Variants in ERCC6L2 observed in about 807,000 individuals in gnomAD.
ERCC6L2 encodes ERCC excision repair 6 like 2, also known as DNA excision repair protein ERCC-6-like 2.
Under a neutral mutation model 132.0 loss-of-function variants are expected in ERCC6L2, and 77 were observed. The ratio of observed to expected loss-of-function variants is 0.58; its 90% CI spans 0.49 to 0.71. The LOEUF (loss-of-function observed/expected upper bound fraction) is 0.71. ERCC6L2 is among the 30% of genes least tolerant of loss of function. The probability of loss-of-function intolerance (pLI) is 0.00; values close to 1 mark genes in which losing one functional copy is unlikely to be tolerated. For synonymous variants in ERCC6L2, 583 were observed against 632.4 expected (o/e 0.92, Z 1.17); for missense variants, 1,542 against 1,837.6 (o/e 0.84, Z 2.94).
At chr9:95,889,053 A>G (rs950146147) in intron 2 of ERCC6L2, among the ~76,000 whole-genome samples, 2 of 152,054 alleles carry the variant, frequency 1.3e-5, no homozygotes, top group Admixed American at 1.3e-4. Context: ...TTTAAATGAG[A>G]TACAAAGATT....
chr9:95,950,912 A>C (rs73536503), intron 12 of ERCC6L2, among the ~76,000 whole-genome samples: 3,825 of 152,274 alleles, frequency 0.025, 170 homozygotes, highest in African/African-American at 0.089. Context: ...CATAATAGGT[A>C]AAACATTCAG....
At chr9:95,943,014 A>G (rs1830876722) in intron 12 of ERCC6L2, among the ~76,000 whole-genome samples, 1 of 152,178 alleles carries the variant, frequency 6.6e-6, no homozygotes. Flanking sequence ...CATCAGCATT[A>G]TAGGATTCTA....
chr9:95,951,863 G>A (rs1003785948), intron 12 of ERCC6L2, among the ~76,000 whole-genome samples: 2 of 151,992 alleles, frequency 1.3e-5, no homozygotes, highest in Non-Finnish European at 2.9e-5. Flanking sequence ...ATTCTACCAA[G>A]CATTTAAAGA....
Position 95,889,088 on chromosome 9 carries a change from T to C in ERCC6L2, c.471+7795T>C, listed in dbSNP as rs757212689. 4.6e-5 allele frequency among the ~76,000 whole-genome samples: 7 copies of C among 152,282 alleles called. No homozygotes were observed. The South Asian group carries it at 1.5e-3, about 32-fold the overall frequency. On this transcript the variant is annotated intron_variant, in intron 2 of 18. Transcript: ENST00000653738. ...TTTTAAAAATCATTAGTGGATTTAG[T>C]GAATTAAATAAAGCTAATCTATACT...
chr9:95,916,799 C>T (rs972070573), intron 6 of ERCC6L2, among the ~76,000 whole-genome samples: 2 of 151,812 alleles, frequency 1.3e-5, no homozygotes, highest in African/African-American at 4.8e-5. Context: ...TCTGCAGCCT[C>T]AGCCTCCCGA....
chr9:95,941,424 A>C (rs1181971333), intron 11 of ERCC6L2, 30 bp from the exon 12 acceptor site: 1 of 1,535,286 alleles, frequency 6.5e-7, no homozygotes. Context: ...TGCTGTTCTA[A>C]TGTGCTTTTT....
intron 12 of ERCC6L2, among the ~76,000 whole-genome samples, chr9:95,946,527 CA>C (rs981211616): frequency 2.0e-5 from 3 of 151,182 alleles, no homozygotes; most frequent in African/African-American, 7.3e-5. Flanking sequence ...GACTCCATCT[CA>C]AAAAAATAAA....
intron 3 of ERCC6L2, among the ~76,000 whole-genome samples, chr9:95,902,847 A>G (rs1335594707): frequency 6.6e-6 from 1 of 152,134 alleles, no homozygotes; most frequent in African/African-American, 2.4e-5. Context: ...CTCGTTTTTA[A>G]TCATAGTCCT....
At chr9:96,021,881 G>T (rs552503171), downstream of ERCC6L2, 12 of 152,612 alleles carry the variant, frequency 7.9e-5, no homozygotes, top group African/African-American at 2.2e-4. This position sits in a 1 kb window ranked among gnomAD's most constrained non-coding sequence, Gnocchi z 4.7. Flanking sequence ...GCGCCTAGGG[G>T]GTTCCGAGCG....
At position 95,979,976 on chromosome 9, in the gene ERCC6L2, G is replaced by A. The variant is rs575627053; in HGVS notation, c.3492+1761G>A. 5.3e-5 allele frequency among the ~76,000 whole-genome samples: 8 copies of A among 152,028 alleles called. No homozygotes were observed. In the South Asian group the frequency reaches 1.2e-3, roughly 24 times the overall value. On this transcript the variant is annotated intron_variant, in intron 17 of 18. Coordinates refer to ENST00000653738, the MANE Select transcript of ERCC6L2 (RefSeq NM_020207.7). ...GAAAGGTCAGATAATTTGGCAAACC[G>A]CTGTAGTGGATGTTAATGAAATAAC... is the stretch of plus-strand genomic sequence containing the variant.
intron 13 of ERCC6L2, among the ~76,000 whole-genome samples, chr9:95,964,597 G>GA (rs1832067829): frequency 1.3e-5 from 2 of 152,180 alleles, no homozygotes; most frequent in Non-Finnish European, 1.5e-5. Context: ...TGCTGGCCTT[G>GA]AAGATGGAAG....
At chr9:96,011,141 G>T (rs1834013860) in intron 18 of ERCC6L2, among the ~76,000 whole-genome samples, 1 of 152,170 alleles carries the variant, frequency 6.6e-6, no homozygotes, top group African/African-American at 2.4e-5. Context: ...TTAAACAACA[G>T]AAATTCGTGT....
At chr9:95,960,689 A>G (rs962161487) in intron 13 of ERCC6L2, among the ~76,000 whole-genome samples, 2 of 152,092 alleles carry the variant, frequency 1.3e-5, no homozygotes, top group African/African-American at 2.4e-5. Flanking sequence ...CAGTTTAGTG[A>G]TACTGATTTC....
intron 2 of ERCC6L2, among the ~76,000 whole-genome samples, chr9:95,884,431 TAATGA>T (rs1827756733): frequency 6.6e-6 from 1 of 152,130 alleles, no homozygotes; most frequent in Admixed American, 6.5e-5. Flanking sequence ...AATTAATTGA[TAATGA>T]AAATAGACCA....
chr9:95,975,471 C>CT (rs572855007), intron 16 of ERCC6L2, among the ~76,000 whole-genome samples: 27,862 of 111,088 alleles, frequency 0.25, 4,905 homozygotes, highest in African/African-American at 0.49. Context: ...ATTATATGTT[C>CT]TTTTTTTTTT....
Position 96,002,716 on chromosome 9 carries a change from G to A in ERCC6L2, c.3493-1804G>A, listed in dbSNP as rs1352541129. Reference sequence around the variant, plus strand: ...CCCAAAGTGCTGGGATTACAAGTGTGAGCCACTGTGCCTGGCCTAATTTGG... The same window carrying A: ...CCCAAAGTGCTGGGATTACAAGTGTAAGCCACTGTGCCTGGCCTAATTTGG... On this transcript the variant is annotated intron_variant, in intron 17 of 18. Transcript: ENST00000653738. Among the ~76,000 whole-genome samples the A allele has an allele frequency of 1.3e-5, 2 of 152,144 alleles. 1 individual carries two copies. The highest frequency in any genetic ancestry group is 4.8e-5 in the African/African-American group (2 of 41,424).
intron 16 of ERCC6L2, among the ~76,000 whole-genome samples, chr9:95,974,845 G>C (rs1832594557): frequency 6.6e-6 from 1 of 151,896 alleles, no homozygotes; most frequent in South Asian, 2.1e-4. Flanking sequence ...AATACCTCGA[G>C]GTTATACGTC....
chr9:95,891,073 A>G lies in ERCC6L2; in HGVS notation c.472-6776A>G, dbSNP rs1828135707. Among the ~76,000 whole-genome samples, 3 of 152,248 alleles carry G rather than the reference A, an allele frequency of 2.0e-5. No individual in the cohort carries two copies. In the South Asian group the frequency reaches 6.2e-4, roughly 32 times the overall value. On this transcript the variant is annotated intron_variant, in intron 2 of 18. Coordinates refer to ENST00000653738, the MANE Select transcript of ERCC6L2 (RefSeq NM_020207.7). The stretch of plus-strand genomic sequence containing the variant: ...ACTAAAAATACAAAATTAGCTGGGC[A>G]TGGTGGCGCATGCCTGTAATCCCAG...
chr9:95,884,702 A>G (rs1827772305), intron 2 of ERCC6L2, among the ~76,000 whole-genome samples: 1 of 152,178 alleles, frequency 6.6e-6, no homozygotes, highest in Non-Finnish European at 1.5e-5. Flanking sequence ...TGTTCTAGTG[A>G]CATAGAAATC....
Sources: allele counts gnomAD v4.1 joint callset (sites outside exome capture counted in the v4.1 genomes callset), GRCh38; gene constraint gnomAD v4.1.1; non-coding constraint Gnocchi (gnomAD v3.1); transcripts MANE v1.5; gene names NCBI Gene and HGNC (gene_info 2026-07-23, HGNC 2026-07-21).